The following CORO2B variants were observed in gnomAD, a reference collection of about 807,000 sequenced individuals.
CORO2B encodes the protein coronin 2B, also known as coronin-2B.
A neutral mutation model predicts 58.8 loss-of-function variants in CORO2B; 26 were observed. The ratio of observed to expected loss-of-function variants is 0.44; its 90% confidence interval spans 0.32 to 0.61. The LOEUF is 0.61. Among genes scored for constraint, CORO2B ranks in the 20% least tolerant of loss-of-function variants. The pLI is 0.04. For synonymous variants in CORO2B, 242 were observed against 253.8 expected (o/e 0.95, Z 0.44); for missense variants, 460 against 645.1 (o/e 0.71, Z 3.11).
chr15:68,600,403 G>A (rs1166738483), intron 1 of CORO2B, among the ~76,000 whole-genome samples: 1 of 152,114 alleles, frequency 6.6e-6, no homozygotes, highest in Non-Finnish European at 1.5e-5. Context: ...GGACTTCCCT[G>A]AGTACACACT....
the CORO2B span, among the ~76,000 whole-genome samples, chr15:68,536,785 C>T: frequency 1.1e-3 from 174 of 152,338 alleles, no homozygotes; most frequent in African/African-American, 4.0e-3. Flanking sequence ...AAGGTCTGGC[C>T]AATGACATGG....
intron 1 of CORO2B, among the ~76,000 whole-genome samples, chr15:68,590,276 C>T (rs1331783182): frequency 6.6e-6 from 1 of 150,628 alleles, no homozygotes; most frequent in African/African-American, 2.5e-5. Context: ...GTAGGAGCAG[C>T]CTGGGAGCCA....
chr15:68,681,939 C>T (rs1902803233), intron 2 of CORO2B, among the ~76,000 whole-genome samples: 1 of 152,218 alleles, frequency 6.6e-6, no homozygotes, highest in South Asian at 2.1e-4. Context: ...AGGGCTAGAG[C>T]TGGGACAGTG....
chr15:68,617,788 C>T (rs1769622115), intron 1 of CORO2B, among the ~76,000 whole-genome samples: 1 of 152,162 alleles, frequency 6.6e-6, no homozygotes, highest in African/African-American at 2.4e-5. Flanking sequence ...ACAACCTCAA[C>T]TTGAAATCCC....
chr15:68,564,536 T>G, the CORO2B span, among the ~76,000 whole-genome samples: 1 of 152,170 alleles, frequency 6.6e-6, no homozygotes, highest in Non-Finnish European at 1.5e-5. Flanking sequence ...GGTCTCAAAC[T>G]CCTAGGCTCA....
chr15:68,591,074 G>C (rs571522243), intron 1 of CORO2B, among the ~76,000 whole-genome samples: 70 of 152,202 alleles, frequency 4.6e-4, no homozygotes, highest in Admixed American at 2.0e-4. Context: ...CCTGGTCTGT[G>C]GGGGGACACA....
chr15:68,530,008 A>G, the CORO2B span, among the ~76,000 whole-genome samples: 2 of 152,208 alleles, frequency 1.3e-5, no homozygotes, highest in African/African-American at 2.4e-5. Flanking sequence ...GTCAGAAAAT[A>G]TGCTTTGTTT....
At chr15:68,705,453 AAG>A (rs1892762439) in intron 3 of CORO2B, among the ~76,000 whole-genome samples, 1 of 151,056 alleles carries the variant, frequency 6.6e-6, no homozygotes, top group African/African-American at 2.4e-5. Context: ...AAAAAAAAAA[AAG>A]AAAGTAAATG....
intron 1 of CORO2B, among the ~76,000 whole-genome samples, chr15:68,638,274 T>C (rs1372701184): frequency 6.6e-6 from 1 of 152,048 alleles, no homozygotes; most frequent in East Asian, 1.9e-4. Flanking sequence ...ATTTGATTAT[T>C]TGAAGTCAGA....
At chr15:68,594,841 A>C (rs529993197) in intron 1 of CORO2B, among the ~76,000 whole-genome samples, 1 of 152,160 alleles carries the variant, frequency 6.6e-6, no homozygotes, top group Non-Finnish European at 1.5e-5. Flanking sequence ...TTCAGCACAT[A>C]CTTTCCTGGC....
chr15:68,581,872 G>A (rs1301240158), intron 1 of CORO2B, among the ~76,000 whole-genome samples: 1 of 152,206 alleles, frequency 6.6e-6, no homozygotes, highest in Non-Finnish European at 1.5e-5. Flanking sequence ...TCTCCAGGCA[G>A]AGGGTCATGG....
intron 2 of CORO2B, 148 bp from the exon 3 acceptor site, chr15:68,694,992 A>C: frequency 1.6e-4 from 99 of 604,870 alleles, no homozygotes; most frequent in Middle Eastern, 3.2e-4. Context: ...TTGGCCCAGC[A>C]GGGCCCAAAA....
At chr15:68,583,680 G>A (rs1360883101) in intron 1 of CORO2B, among the ~76,000 whole-genome samples, 1 of 152,208 alleles carries the variant, frequency 6.6e-6, no homozygotes, top group Non-Finnish European at 1.5e-5. Flanking sequence ...GGGATTATGA[G>A]GCCCCTCTGC....
chr15:68,644,564 C>G (rs1901360608), intron 1 of CORO2B, among the ~76,000 whole-genome samples: 1 of 152,160 alleles, frequency 6.6e-6, no homozygotes, highest in Admixed American at 6.5e-5. Context: ...CACTTAACCT[C>G]TCTGTGCCTG....
chr15:68,615,793 C>G (rs908213066), intron 1 of CORO2B, among the ~76,000 whole-genome samples: 1 of 152,144 alleles, frequency 6.6e-6, no homozygotes, highest in Non-Finnish European at 1.5e-5. Flanking sequence ...CTTGGACTTC[C>G]CAACCTCCAG....
the CORO2B span, among the ~76,000 whole-genome samples, chr15:68,543,482 G>A: frequency 6.6e-6 from 1 of 152,144 alleles, no homozygotes; most frequent in Admixed American, 6.5e-5. Flanking sequence ...GAGGATAAGA[G>A]CATGGGGGCT....
At chr15:68,560,399 A>C in the CORO2B span, among the ~76,000 whole-genome samples, 1 of 148,976 alleles carries the variant, frequency 6.7e-6, no homozygotes, top group Non-Finnish European at 1.5e-5. Context: ...GGCTCAAGCG[A>C]TCCTCCCACC....
chr15:68,553,517 C>T, the CORO2B span, among the ~76,000 whole-genome samples: 1 of 152,194 alleles, frequency 6.6e-6, no homozygotes. Flanking sequence ...GGAATGCAGC[C>T]ATGCCAACGC....
intron 1 of CORO2B, among the ~76,000 whole-genome samples, chr15:68,585,824 G>A (rs922875315): frequency 1.3e-5 from 2 of 152,202 alleles, no homozygotes; most frequent in South Asian, 4.1e-4. Flanking sequence ...AAGGGTGCTG[G>A]GGGAGGAGGG....
Sources: gnomAD v4.1 joint callset for allele counts (sites outside exome capture counted in the v4.1 genomes callset) on GRCh38, gnomAD v4.1.1 for gene constraint, MANE v1.5 for transcripts, NCBI Gene and HGNC (gene_info 2026-07-23, HGNC 2026-07-21) for gene names.